Variants in TRPS1 observed in about 807,000 individuals in gnomAD.
The protein encoded by TRPS1 is transcriptional repressor GATA binding 1.
A neutral mutation model predicts 101.2 loss-of-function variants in TRPS1; 6 were observed. The observed-to-expected ratio is 0.06, with a 90% CI of 0.03 to 0.12. The LOEUF is 0.12. Ranked by LOEUF, TRPS1 falls within the 10% of genes least tolerant of loss-of-function variation. TRPS1 has a pLI of 1.00. For synonymous variants in TRPS1, 578 were observed against 589.8 expected, an observed-to-expected ratio of 0.98 and a Z score of 0.29; for missense variants, 1,363 against 1,567.0, an observed-to-expected ratio of 0.87 and a Z score of 2.20.
At chr8:115,426,818 A>T (rs1053518422) in intron 5 of TRPS1, among the ~76,000 whole-genome samples, 1 of 152,174 alleles carries the variant, frequency 6.6e-6, no homozygotes, top group Non-Finnish European at 1.5e-5. Context: ...AGAACTCCTA[A>T]CACATATTAT....
At chr8:115,527,676 A>C (rs1444002203) in intron 5 of TRPS1, among the ~76,000 whole-genome samples, 2 of 152,058 alleles carry the variant, frequency 1.3e-5, no homozygotes, top group Non-Finnish European at 2.9e-5. Context: ...CTCACTTGAA[A>C]ATGGTCCTGA....
At chr8:115,587,833 G>GACAC (rs34198799) in intron 4 of TRPS1, among the ~76,000 whole-genome samples, 19 of 151,050 alleles carry the variant, frequency 1.3e-4, no homozygotes, top group African/African-American at 2.4e-4. Flanking sequence ...GTATAACACA[G>GACAC]ACACACACAC....
chr8:115,464,013 T>C (rs1814255553), intron 5 of TRPS1, among the ~76,000 whole-genome samples: 1 of 152,124 alleles, frequency 6.6e-6, no homozygotes, highest in African/African-American at 2.4e-5. Flanking sequence ...AATATTGAAA[T>C]TGCTTGCACA....
rs551438723 is a variant in TRPS1, at chr8:115,441,814, T to C, written c.2701-23362A>G. 2.0e-5 allele frequency among the ~76,000 whole-genome samples: 3 copies of C among 151,800 alleles called. No homozygotes were observed. In the South Asian group the frequency reaches 6.2e-4, roughly 32 times the overall value. On this transcript the variant is annotated intron_variant, in intron 5 of 6. Coordinates refer to ENST00000395715, the MANE Select transcript of TRPS1 (RefSeq NM_014112.5). ...ATGAAAAATGGCCTCATTATCCCTC[T>C]TTTTTGGTGAACCAGACTTTATTCT...
At chr8:115,520,508 T>C (rs1313469795) in intron 5 of TRPS1, among the ~76,000 whole-genome samples, 1 of 151,884 alleles carries the variant, frequency 6.6e-6, no homozygotes, top group East Asian at 1.9e-4. Flanking sequence ...AAAACTAATT[T>C]TAACATGAAT....
intron 5 of TRPS1, among the ~76,000 whole-genome samples, chr8:115,517,952 C>T (rs1391855117): frequency 3.1e-5 from 3 of 96,620 alleles, no homozygotes; most frequent in African/African-American, 1.2e-4. Context: ...TTTAAGAACC[C>T]ATACTAAAAC....
intron 5 of TRPS1, among the ~76,000 whole-genome samples, chr8:115,475,328 A>G (rs1265646275): frequency 6.8e-6 from 1 of 147,416 alleles, no homozygotes; most frequent in Admixed American, 6.7e-5. Flanking sequence ...ACAAAATTAT[A>G]CTCAGACATG....
chr8:115,623,615 C>T lies in TRPS1; in HGVS notation c.23G>A (p.Gly8Glu), dbSNP rs1818444732. ...AGATCACATACTTGTAAAATCATACCCAGCATTGACTTCATAAGGCATGTG... is the reference window on the plus strand; with the variant it reads ...AGATCACATACTTGTAAAATCATACTCAGCATTGACTTCATAAGGCATGTG... MPYEVNA[G>E]YDFTNMVRKK... Residue 8 changes from glycine (G) to glutamate (E), a missense_variant, in exon 2 of 7, where the codon GGG becomes GAG. Around this residue, in one of 5 missense-constraint regions of TRPS1, gnomAD observed 1,020 missense variants for 1,073.0 expected, o/e 0.95. Transcript: ENST00000395715. 6.2e-7 allele frequency: 1 copy of T among 1,610,832 alleles called. No individual in the cohort carries two copies. Among genetic ancestry groups the T allele is most frequent in the Non-Finnish European group, 8.5e-7 (1 of 1,178,554 alleles).
intron 2 of TRPS1, 135 bp downstream of exon 2, chr8:115,623,466 G>T (rs375830300): frequency 3.2e-6 from 3 of 939,386 alleles, no homozygotes; most frequent in Non-Finnish European, 4.8e-6. Context: ...CTAGCGAGTC[G>T]TAAGTTAGAT....
intron 5 of TRPS1, among the ~76,000 whole-genome samples, chr8:115,469,584 C>T (rs1323662265): frequency 6.6e-6 from 1 of 152,090 alleles, no homozygotes; most frequent in Admixed American, 6.5e-5. Flanking sequence ...CTGCAACTTC[C>T]ACCTCCCGGG....
At chr8:115,633,137 T>A (rs931577778) in intron 1 of TRPS1, among the ~76,000 whole-genome samples, 1 of 152,010 alleles carries the variant, frequency 6.6e-6, no homozygotes, top group Non-Finnish European at 1.5e-5. Flanking sequence ...GGCTGAATTG[T>A]ACGGGAGAAA....
intron 5 of TRPS1, among the ~76,000 whole-genome samples, chr8:115,459,324 A>AAATAATAATAATAATAATAATAAT (rs61516910): frequency 6.7e-6 from 1 of 149,850 alleles, no homozygotes; most frequent in Non-Finnish European, 1.5e-5. Flanking sequence ...ACTCTGTCTC[A>AAATAATAATAATAATAATAATAAT]AATAATAATA....
At chr8:115,534,627 C>T (rs1816236568) in intron 5 of TRPS1, among the ~76,000 whole-genome samples, 2 of 152,168 alleles carry the variant, frequency 1.3e-5, no homozygotes, top group Admixed American at 1.3e-4. Flanking sequence ...CATGTAAAGA[C>T]AAAAGAGACA....
chr8:115,459,655 T>A (rs937764332), intron 5 of TRPS1, among the ~76,000 whole-genome samples: 2 of 152,308 alleles, frequency 1.3e-5, no homozygotes, highest in South Asian at 4.1e-4. Flanking sequence ...CTGCCTGAAT[T>A]TTTAAATTGT....
At chr8:115,665,938 T>C (rs1395300516) in intron 1 of TRPS1, among the ~76,000 whole-genome samples, 1 of 152,150 alleles carries the variant, frequency 6.6e-6, no homozygotes, top group African/African-American at 2.4e-5. Context: ...ATAACATACA[T>C]ATCAGGAAGC....
chr8:115,620,182 G>GA (rs10589819), intron 2 of TRPS1, 122 bp from the exon 3 acceptor site: 10,240 of 680,746 alleles, frequency 0.015, no homozygotes, highest in Non-Finnish European at 0.018. Context: ...CTTCCTCTAG[G>GA]AAAAAAAAAA....
chr8:115,656,977 T>G (rs531313262), intron 1 of TRPS1, among the ~76,000 whole-genome samples: 33 of 152,282 alleles, frequency 2.2e-4, no homozygotes, highest in Non-Finnish European at 3.5e-4. Context: ...CAAGAGAATT[T>G]GGAAAACATT....
chr8:115,436,928 A>G lies in TRPS1; in HGVS notation c.2701-18476T>C, dbSNP rs553564296. ...GGTACCAGAAGTAAAGCAGTAAAAA[A>G]TAAAAAAAAAGTCAATACATTTCAT... On this transcript the variant is annotated intron_variant, in intron 5 of 6. Transcript: ENST00000395715. 1.0e-4 allele frequency among the ~76,000 whole-genome samples: 14 copies of G among 137,586 alleles called. No individual in the cohort carries two copies. In the South Asian group the frequency reaches 3.6e-3, roughly 36 times the overall value. The allele number at this position is 137,586 out of a possible 152,430, so 90.3% of individuals were successfully genotyped here. A position where few individuals can be genotyped will look rare whatever the true frequency, so the allele number is the denominator to read the frequency against.
chr8:115,575,581 T>A (rs1361066234), intron 5 of TRPS1, among the ~76,000 whole-genome samples: 1 of 152,120 alleles, frequency 6.6e-6, no homozygotes, highest in Non-Finnish European at 1.5e-5. Context: ...TAACACCCTT[T>A]TCTCTTTTCC....
Sources: allele counts gnomAD v4.1 joint callset (sites outside exome capture counted in the v4.1 genomes callset), GRCh38; gene constraint gnomAD v4.1.1; regional missense constraint gnomAD v4.1.1; transcripts MANE v1.5; gene names NCBI Gene and HGNC (gene_info 2026-07-23, HGNC 2026-07-21).